Variants in RARB observed in about 807,000 individuals in gnomAD.
RARB encodes the protein HBV-activated protein.
A neutral mutation model predicts 51.9 loss-of-function variants in RARB; 17 were observed. That is an observed-to-expected ratio of 0.33 (90% CI 0.22 to 0.49). The LOEUF is 0.49. Ranked by LOEUF, RARB falls within the 20% of genes least tolerant of loss-of-function variation. The pLI is 0.99. For synonymous variants in RARB, 215 were observed against 195.4 expected, an observed-to-expected ratio of 1.10 and a Z score of -0.84; for missense variants, 369 against 550.8, an observed-to-expected ratio of 0.67 and a Z score of 3.30.
In RARB at chr3:25,266,199, G is replaced by C. The variant is rs1313120321; in HGVS notation, c.178+91624G>C. Reference sequence around the variant, plus strand: ...GTGTTAGGACATAAATATCTTTGGGGGCTAATATTCTGCCTAACACAATAT... The same window carrying C: ...GTGTTAGGACATAAATATCTTTGGGCGCTAATATTCTGCCTAACACAATAT... On this transcript the variant is annotated intron_variant, in intron 5 of 11. Transcript: ENST00000383772. Among the ~76,000 whole-genome samples the C allele has an allele frequency of 2.6e-5, 4 of 152,042 alleles. No individual in the cohort carries two copies. The East Asian group carries it at 7.7e-4, about 29-fold the overall frequency.
intron 2 of RARB, among the ~76,000 whole-genome samples, chr3:24,873,786 TTA>T (rs1407960795): frequency 6.6e-6 from 1 of 152,050 alleles, no homozygotes; most frequent in African/African-American, 2.4e-5. Flanking sequence ...TTGAATATTT[TTA>T]TATTTTTGAT....
At chr3:25,402,431 G>A (rs1471533495) in intron 5 of RARB, among the ~76,000 whole-genome samples, 9 of 152,178 alleles carry the variant, frequency 5.9e-5, no homozygotes. Flanking sequence ...GCTACCATGT[G>A]ATCTAGCAAT....
intron 2 of RARB, among the ~76,000 whole-genome samples, chr3:25,477,793 CTT>C (rs1176142976): frequency 1.3e-5 from 2 of 152,126 alleles, no homozygotes; most frequent in Non-Finnish European, 2.9e-5. Context: ...TAGCATAAAA[CTT>C]TTTTATTTGG....
At chr3:25,031,087 G>A (rs139832573) in intron 2 of RARB, among the ~76,000 whole-genome samples, 249 of 152,258 alleles carry the variant, frequency 1.6e-3, no homozygotes, top group African/African-American at 5.5e-3. Context: ...GGGTTGTCCC[G>A]TGCATTGTAG....
At chr3:25,040,304 C>T (rs778626334) in intron 2 of RARB, among the ~76,000 whole-genome samples, 9 of 152,180 alleles carry the variant, frequency 5.9e-5, no homozygotes, top group Non-Finnish European at 1.3e-4. Flanking sequence ...TTTCAACAAG[C>T]TTGCATCTGA....
chr3:25,479,696 A>G (rs960011912), intron 2 of RARB, among the ~76,000 whole-genome samples: 1 of 152,206 alleles, frequency 6.6e-6, no homozygotes, highest in East Asian at 1.9e-4. Flanking sequence ...CAAACATTTC[A>G]TTACCACCTA....
At chr3:24,907,167 C>T (rs1393038847) in intron 2 of RARB, among the ~76,000 whole-genome samples, 1 of 152,178 alleles carries the variant, frequency 6.6e-6, no homozygotes, top group South Asian at 2.1e-4. Context: ...GGGCCATGGG[C>T]AAACCCCTGA....
chr3:24,981,604 GA>G (rs148687780), intron 2 of RARB, among the ~76,000 whole-genome samples: 3,085 of 152,228 alleles, frequency 0.02, 100 homozygotes, highest in African/African-American at 0.07. Flanking sequence ...GCACAGGAGG[GA>G]ATCTCGTGGT....
intron 2 of RARB, among the ~76,000 whole-genome samples, chr3:25,015,087 T>A (rs529624040): frequency 6.6e-6 from 1 of 152,298 alleles, no homozygotes; most frequent in Admixed American, 6.5e-5. Context: ...CCCTGAAAAA[T>A]CTGGCTTTGA....
intron 3 of RARB, among the ~76,000 whole-genome samples, chr3:25,086,454 T>C (rs1049068779): frequency 6.6e-6 from 1 of 152,160 alleles, no homozygotes; most frequent in Non-Finnish European, 1.5e-5. Context: ...TTTTAACTTA[T>C]GAAGAGTTTG....
At chr3:25,553,252 A>G (rs1393687324) in intron 3 of RARB, among the ~76,000 whole-genome samples, 1 of 151,042 alleles carries the variant, frequency 6.6e-6, no homozygotes, top group Non-Finnish European at 1.5e-5. Context: ...TTGCCCTTTC[A>G]CTGGATGGGA....
chr3:24,914,470 C>T (rs1695065214), intron 2 of RARB, among the ~76,000 whole-genome samples: 1 of 152,132 alleles, frequency 6.6e-6, no homozygotes, highest in South Asian at 2.1e-4. Context: ...ATAGATGGAA[C>T]ATCTTCTGCC....
chr3:25,461,240 C>G lies in RARB; in HGVS notation c.205C>G (p.Pro69Ala). Residue 69 changes from proline to alanine, a missense_variant, in exon 2 of 8, where the codon CCA becomes GCA. By Grantham distance (27) the Pro-to-Ala change is conservative (BLOSUM62 -1). Coordinates refer to ENST00000330688, the MANE Select transcript of RARB (RefSeq NM_000965.5). ...CTCTGAGGAACTCGTCCCAAGCCCCCCATCTCCACTTCCTCCCCCTCGAGT... is the reference window on the plus strand; with the variant it reads ...CTCTGAGGAACTCGTCCCAAGCCCCGCATCTCCACTTCCTCCCCCTCGAGT... The part of the protein sequence containing the change: ...TSSEELVPSP[P>A]SPLPPPRVYK... 3.7e-6 allele frequency: 6 copies of G among 1,613,984 alleles called. No individual in the cohort carries two copies. The highest frequency in any genetic ancestry group is 1.1e-5 in the South Asian group (1 of 91,062).
At chr3:25,371,517 T>G (rs999232174) in intron 5 of RARB, among the ~76,000 whole-genome samples, 9 of 152,362 alleles carry the variant, frequency 5.9e-5, no homozygotes, top group Admixed American at 5.2e-4. Context: ...ATTTGCTGAT[T>G]ATTGAATTAA....
intron 2 of RARB, among the ~76,000 whole-genome samples, chr3:25,055,542 C>A (rs1698418701): frequency 6.6e-6 from 1 of 151,994 alleles, no homozygotes; most frequent in Admixed American, 6.6e-5. Flanking sequence ...AGTTGGCTAC[C>A]CATTATCCTT....
In RARB at chr3:25,267,763, A is replaced by G. The variant is rs1703159549; in HGVS notation, c.178+93188A>G. The stretch of plus-strand genomic sequence containing the variant: ...GTTCATTTTATGTGACTGGAGGGCT[A>G]TAATTTATGGTTACTCCAGTATTTG... On this transcript the variant is annotated intron_variant, in intron 5 of 11. Coordinates refer to the RARB transcript ENST00000383772. Among the ~76,000 whole-genome samples, 6 of 152,202 alleles carry G rather than the reference A, an allele frequency of 3.9e-5. No homozygotes were observed. The South Asian group carries it at 1.2e-3, about 31-fold the overall frequency.
intron 2 of RARB, among the ~76,000 whole-genome samples, chr3:24,883,865 A>T (rs1703219923): frequency 6.6e-6 from 1 of 152,148 alleles, no homozygotes; most frequent in Non-Finnish European, 1.5e-5. Context: ...TAGTATTTTA[A>T]TACTTCATTT....
intron 5 of RARB, among the ~76,000 whole-genome samples, chr3:25,385,130 A>G (rs938426295): frequency 6.6e-6 from 1 of 152,148 alleles, no homozygotes; most frequent in Admixed American, 6.5e-5. Context: ...GTAGTTTGCA[A>G]TGCACTCCAT....
At chr3:25,155,926 C>A (rs1276819039) in intron 4 of RARB, among the ~76,000 whole-genome samples, 1 of 152,286 alleles carries the variant, frequency 6.6e-6, no homozygotes, top group Non-Finnish European at 1.5e-5. Context: ...TAACTTAAAA[C>A]CCCCTCCATT....
Sources: gnomAD v4.1 joint callset for allele counts (sites outside exome capture counted in the v4.1 genomes callset) on GRCh38, gnomAD v4.1.1 for gene constraint, MANE v1.5 for transcripts, NCBI Gene and HGNC (gene_info 2026-07-23, HGNC 2026-07-21) for gene names.